SMC2: variants seen among roughly 807,000 people sequenced by gnomAD.
SMC2 encodes the protein structural maintenance of chromosomes 2.
SMC2 carries 41 observed loss-of-function variants against 142.6 expected under a neutral mutation model. That is an observed-to-expected ratio of 0.29 (90% CI 0.22 to 0.37). SMC2 has a LOEUF of 0.37. Ranked by LOEUF, SMC2 falls within the 10% of genes least tolerant of loss-of-function variation. The pLI is 1.00. For synonymous variants in SMC2, 463 were observed against 457.5 expected (o/e 1.01, Z -0.15); for missense variants, 1,265 against 1,373.7 (o/e 0.92, Z 1.25).
rs768247237 is a variant in SMC2 at position 104,095,406 on chromosome 9, C to A, written c.22C>A (p.Leu8Ile). ...GAAAATGCATATTAAGTCAATTATT[C>A]TAGAGGGATTCAAGTCCTATGCTCA... MHIKSII[L>I]EGFKSYAQRT... Residue 8 changes from leucine (L) to isoleucine (I), a missense_variant, in exon 2 of 25, where the codon CTA becomes ATA. By Grantham distance (5) the Leu-to-Ile change is conservative (BLOSUM62 2). Around this residue, in one of 4 missense-constraint regions of SMC2, gnomAD observed 168 missense variants for 184.8 expected, o/e 0.91. Transcript: ENST00000374793. The A allele has an allele frequency of 6.2e-7, 1 of 1,613,334 alleles. No homozygotes were observed. The highest frequency in any genetic ancestry group is 1.7e-5 in the Admixed American group (1 of 60,010).
At chr9:104,129,990 G>T (rs570913129) in intron 21 of SMC2, 145 bp downstream of exon 21, 1 of 650,276 alleles carries the variant, frequency 1.5e-6, no homozygotes, top group African/African-American at 1.8e-5. Flanking sequence ...TTCTCTTTTC[G>T]TCATTTTTTT....
At chr9:104,110,120 C>T (rs754230825) in intron 9 of SMC2, among the ~76,000 whole-genome samples, 1 of 152,056 alleles carries the variant, frequency 6.6e-6, no homozygotes, top group South Asian at 2.1e-4. Context: ...TTGTGGTTCT[C>T]GTGTATTTTT....
intron 21 of SMC2, 144 bp downstream of exon 21, chr9:104,129,989 C>T (rs1367830371): frequency 4.1e-5 from 27 of 652,468 alleles, no homozygotes; most frequent in East Asian, 1.1e-4. Flanking sequence ...TTTCTCTTTT[C>T]GTCATTTTTT....
upstream of SMC2, among the ~76,000 whole-genome samples, chr9:104,091,928 G>A (rs1200886283): frequency 6.6e-6 from 1 of 152,118 alleles, no homozygotes; most frequent in Non-Finnish European, 1.5e-5. Context: ...TTGAAACACT[G>A]CCCGCTAGCG....
intron 9 of SMC2, among the ~76,000 whole-genome samples, chr9:104,106,295 G>A (rs1034639493): frequency 6.6e-6 from 1 of 152,204 alleles, no homozygotes; most frequent in African/African-American, 2.4e-5. Flanking sequence ...TTTCTTTCAA[G>A]GGTAGCATCA....
In SMC2 at chr9:104,125,015, A is replaced by G; in HGVS notation, c.2361A>G (p.Arg787=). Residue 787 remains arginine, a synonymous_variant, in exon 18 of 25, where the codon AGA becomes AGG. Transcript: ENST00000374793. ...ENKMKNAEAE[R]ERELKDAQKK... ...AAATGAAAAATGCAGAAGCTGAAAG[A>G]GAGCGAGAACTGAAAGATGCTCAGA... 6.2e-7 allele frequency: 1 copy of G among 1,608,578 alleles called. No homozygotes were observed. The highest frequency in any genetic ancestry group is 1.7e-4 in the Middle Eastern group (1 of 6,038).
At chr9:104,116,399 A>G (rs976990772) in intron 14 of SMC2, 80 bp downstream of exon 14, 7 of 1,329,690 alleles carry the variant, frequency 5.3e-6, no homozygotes, top group Non-Finnish European at 7.1e-6. Flanking sequence ...ATTTTGAGGG[A>G]CATAATCATA....
intron 17 of SMC2, among the ~76,000 whole-genome samples, chr9:104,124,082 T>A (rs1327724015): frequency 6.6e-6 from 1 of 152,162 alleles, no homozygotes; most frequent in African/African-American, 2.4e-5. Context: ...CACGTGTTCA[T>A]TCAGTATTGC....
intron 16 of SMC2, among the ~76,000 whole-genome samples, chr9:104,122,224 G>A (rs1355732274): frequency 6.6e-6 from 1 of 152,044 alleles, no homozygotes; most frequent in Non-Finnish European, 1.5e-5. Flanking sequence ...CTGCAGAATT[G>A]AATTCTTTGC....
chr9:104,093,088 T>C (rs1471467448), upstream of SMC2: 1 of 152,180 alleles, frequency 6.6e-6, no homozygotes, highest in Non-Finnish European at 1.5e-5. Flanking sequence ...ATGTGAAGAA[T>C]AAACTTCTGT....
At chr9:104,108,941 C>CTA (rs747276550) in intron 9 of SMC2, among the ~76,000 whole-genome samples, 4 of 152,050 alleles carry the variant, frequency 2.6e-5, no homozygotes, top group Non-Finnish European at 4.4e-5. Context: ...AGTTGCTGAG[C>CTA]TAAAGCATGA....
At chr9:104,119,513 A>G (rs1233797188) in intron 15 of SMC2, among the ~76,000 whole-genome samples, 1 of 152,168 alleles carries the variant, frequency 6.6e-6, no homozygotes. Flanking sequence ...ATCTTAGCTT[A>G]CAACAAATTT....
chr9:104,131,913 A>G (rs1835017624), intron 21 of SMC2, 96 bp from the exon 22 acceptor site: 4 of 664,118 alleles, frequency 6.0e-6, no homozygotes, highest in East Asian at 2.6e-5. Context: ...TATGTATTGT[A>G]TATAAAAATA....
At chr9:104,104,747 CCA>C (rs1333425104) in intron 9 of SMC2, among the ~76,000 whole-genome samples, 4 of 152,174 alleles carry the variant, frequency 2.6e-5, no homozygotes, top group Non-Finnish European at 5.9e-5. Flanking sequence ...TTTATTATGC[CCA>C]CAGACTTCTC....
intron 9 of SMC2, among the ~76,000 whole-genome samples, chr9:104,110,105 A>G (rs1280842973): frequency 1.3e-5 from 2 of 152,154 alleles, no homozygotes; most frequent in Non-Finnish European, 2.9e-5. Flanking sequence ...GTAGAAAGTG[A>G]TCTCTTGTGG....
intron 9 of SMC2, among the ~76,000 whole-genome samples, chr9:104,108,100 G>C (rs1197761426): frequency 6.6e-6 from 1 of 152,098 alleles, no homozygotes; most frequent in Admixed American, 6.5e-5. Context: ...GTGACACAAA[G>C]TATCCTACTC....
In SMC2 at chr9:104,139,441, T is replaced by C; in HGVS notation, c.*126T>C. ...TGTTACTTAACCCATGTTTTCTCTT[T>C]ATATAATCACTTATCGCTTACAAAT... On this transcript the variant is annotated 3_prime_UTR_variant, in exon 25 of 25. Coordinates refer to ENST00000374793, the MANE Select transcript of SMC2 (RefSeq NM_006444.3). 4.3e-6 allele frequency: 3 copies of C among 694,722 alleles called. No individual in the cohort carries two copies. The highest frequency in any genetic ancestry group is 6.9e-6 in the Non-Finnish European group (3 of 434,946). 43.0% of individuals were successfully genotyped at this position (694,722 alleles called of 1,614,324 possible).
chr9:104,132,037 T>C lies in SMC2; in HGVS notation c.3020T>C (p.Ile1007Thr), dbSNP rs746710682. The C allele has an allele frequency of 2.5e-6, 4 of 1,581,662 alleles. No individual in the cohort carries two copies. The highest frequency in any genetic ancestry group is 3.5e-6 in the Non-Finnish European group (4 of 1,157,350). The change falls in exon 22 of 25, where the codon ATT becomes ACT. Residue 1007 changes from isoleucine to threonine, a missense_variant. Transcript: ENST00000374793. The part of the protein sequence containing the change: ...RYNDLMKKKR[I>T]VENDKSKILT... ...AATGACTTGATGAAGAAGAAGAGAA[T>C]TGTAGAAAATGACAAATCCAAAATT...
chr9:104,091,772 A>G (rs1321490377), upstream of SMC2, among the ~76,000 whole-genome samples: 1 of 152,098 alleles, frequency 6.6e-6, no homozygotes, highest in Admixed American at 6.5e-5. Context: ...TACCCAGGAG[A>G]GAGCAGGTTC....
Sources: allele counts gnomAD v4.1 joint callset (sites outside exome capture counted in the v4.1 genomes callset), GRCh38; gene constraint gnomAD v4.1.1; regional missense constraint gnomAD v4.1.1; transcripts MANE v1.5; gene names NCBI Gene and HGNC (gene_info 2026-07-23, HGNC 2026-07-21).